Variants in CLIC5 observed in about 807,000 individuals in gnomAD.
CLIC5 encodes the protein chloride intracellular channel protein 5.
Under a neutral mutation model 24.7 loss-of-function variants are expected in CLIC5, and 20 were observed. The observed-to-expected ratio is 0.81, with a 90% CI of 0.57 to 1.18. CLIC5 has a LOEUF of 1.18. Ranked by LOEUF, CLIC5 falls within the 50% of genes most tolerant of loss-of-function variation. CLIC5 has a pLI of 0.00. For synonymous variants in CLIC5, 159 were observed against 135.6 expected (o/e 1.17, Z -1.20); for missense variants, 341 against 326.1 (o/e 1.05, Z -0.35).
the CLIC5 span, among the ~76,000 whole-genome samples, chr6:46,094,168 T>C: frequency 6.6e-6 from 1 of 152,182 alleles, no homozygotes; most frequent in Admixed American, 6.5e-5. Flanking sequence ...CCAATCATCT[T>C]CCACCAGGCC....
rs191496597 is a variant in CLIC5 at position 45,923,955 on chromosome 6, C to T, written c.407-9546G>A. 4.6e-5 allele frequency among the ~76,000 whole-genome samples: 7 copies of T among 152,202 alleles called. No homozygotes were observed. In the East Asian group the frequency reaches 5.8e-4, roughly 13 times the overall value. On this transcript the variant is annotated intron_variant, in intron 4 of 5. Coordinates refer to ENST00000339561, the MANE Select transcript of CLIC5 (RefSeq NM_016929.5). ...AAAGTGGAGATCATAACATGGCATA[C>T]CTTAGAGGGTTGCTGGGAGCAATAA... is the stretch of plus-strand genomic sequence containing the variant.
At chr6:45,986,711 G>C (rs965762991) in intron 1 of CLIC5, among the ~76,000 whole-genome samples, 2 of 152,202 alleles carry the variant, frequency 1.3e-5, no homozygotes, top group East Asian at 3.8e-4. Context: ...AGTCCTGTTT[G>C]GTTTTCAGAG....
the CLIC5 span, among the ~76,000 whole-genome samples, chr6:46,093,769 C>T: frequency 1.3e-5 from 2 of 152,170 alleles, no homozygotes; most frequent in East Asian, 3.8e-4. Context: ...TCTAGCAGTT[C>T]TTCTCCTAGG....
At chr6:45,965,928 G>A (rs1044408442) in intron 1 of CLIC5, among the ~76,000 whole-genome samples, 4 of 152,124 alleles carry the variant, frequency 2.6e-5, no homozygotes, top group African/African-American at 9.7e-5. Flanking sequence ...TCTTGATATT[G>A]AGCTCTGCTA....
rs189740846 is a variant in CLIC5 at position 45,965,706 on chromosome 6, C to T, written c.64-10462G>A. Reference sequence around the variant, plus strand: ...GAAGAAGAGGTCTCCTCACTTAAGCCTCCCTTGGAGAATCCCCATCCTAAT... The same window carrying T: ...GAAGAAGAGGTCTCCTCACTTAAGCTTCCCTTGGAGAATCCCCATCCTAAT... On this transcript the variant is annotated intron_variant, in intron 1 of 5. Transcript: ENST00000339561. Among the ~76,000 whole-genome samples the T allele has an allele frequency of 5.5e-4, 84 of 152,338 alleles. 1 individual carries two copies. The highest frequency in any genetic ancestry group is 6.8e-3 in the Middle Eastern group (2 of 294).
At chr6:45,958,809 A>G (rs6928137) in intron 1 of CLIC5, among the ~76,000 whole-genome samples, 3,152 of 152,164 alleles carry the variant, frequency 0.021, 118 homozygotes, top group African/African-American at 0.072. Context: ...TTCAGCAGCA[A>G]CAAGCACAGG....
rs1435062580 is a variant in CLIC5 at position 45,955,226 on chromosome 6, T to C, written c.82A>G (p.Ser28Gly). 1.9e-6 allele frequency: 3 copies of C among 1,613,680 alleles called. No individual in the cohort carries two copies. The highest frequency in any genetic ancestry group is 2.7e-5 in the African/African-American group (2 of 74,916). ...LFVKAGIDGE[S>G]IGNCPFSQRL... ...TGAGAGAAAGGACAGTTGCCGATGCTTTCTCCATCGATTCCAGCCTGGAAA... is the reference window on the plus strand; with the variant it reads ...TGAGAGAAAGGACAGTTGCCGATGCCTTCTCCATCGATTCCAGCCTGGAAA... Residue 28 changes from serine (S) to glycine (G), a missense_variant, in exon 2 of 6, where the codon AGC becomes GGC. By Grantham distance (56) the Ser-to-Gly change is moderately conservative. Coordinates refer to ENST00000339561, the MANE Select transcript of CLIC5 (RefSeq NM_016929.5).
intron 5 of CLIC5, chr6:45,913,949 A>G: frequency 9.0e-6 from 5 of 553,980 alleles, no homozygotes; most frequent in African/African-American, 1.9e-5. Flanking sequence ...TATTACACAT[A>G]TTAAGCCCCC....
At chr6:46,127,010 G>A in the CLIC5 span, among the ~76,000 whole-genome samples, 1 of 152,186 alleles carries the variant, frequency 6.6e-6, no homozygotes, top group African/African-American at 2.4e-5. Flanking sequence ...TAGTTCATGG[G>A]AGAAAAAGAA....
At chr6:46,022,373 A>T (rs1465189671) in intron 1 of CLIC5, among the ~76,000 whole-genome samples, 1 of 152,186 alleles carries the variant, frequency 6.6e-6, no homozygotes, top group Non-Finnish European at 1.5e-5. Flanking sequence ...TTTCCATGGG[A>T]ATTAAACAAC....
chr6:45,917,250 C>G (rs773960030), intron 4 of CLIC5, among the ~76,000 whole-genome samples: 6 of 152,142 alleles, frequency 3.9e-5, no homozygotes, highest in Non-Finnish European at 8.8e-5. Context: ...GATCCTTCAC[C>G]CTGTTAAGAC....
chr6:45,942,549 C>T (rs971036026), intron 3 of CLIC5, among the ~76,000 whole-genome samples: 54 of 152,158 alleles, frequency 3.5e-4, no homozygotes, highest in African/African-American at 1.3e-3. Context: ...GCCAGGCTAT[C>T]ATTATTTTCA....
At chr6:46,097,818 T>A in the CLIC5 span, among the ~76,000 whole-genome samples, 1 of 150,704 alleles carries the variant, frequency 6.6e-6, no homozygotes, top group Non-Finnish European at 1.5e-5. Flanking sequence ...TTAATTCATA[T>A]TTTTTTTTGC....
intron 1 of CLIC5, among the ~76,000 whole-genome samples, chr6:46,011,415 C>G (rs140503823): frequency 6.6e-6 from 1 of 152,216 alleles, no homozygotes; most frequent in Non-Finnish European, 1.5e-5. Flanking sequence ...CAGGGCTGCA[C>G]GCTGGAGCCA....
At chr6:45,987,423 T>C (rs574962377) in intron 1 of CLIC5, among the ~76,000 whole-genome samples, 13 of 152,328 alleles carry the variant, frequency 8.5e-5, no homozygotes, top group Admixed American at 3.3e-4. Context: ...TATAGACAGA[T>C]GAAATCCAGA....
intron 1 of CLIC5, among the ~76,000 whole-genome samples, chr6:46,041,567 CA>C (rs1296679126): frequency 2.0e-5 from 3 of 152,088 alleles, no homozygotes; most frequent in Non-Finnish European, 4.4e-5. Context: ...CAAAAGAAAA[CA>C]GGGATTTTTT....
intron 1 of CLIC5, among the ~76,000 whole-genome samples, chr6:46,009,599 AC>A (rs1766728498): frequency 6.6e-6 from 1 of 152,190 alleles, no homozygotes; most frequent in African/African-American, 2.4e-5. Context: ...TTTAATAGAT[AC>A]CAGAGAGTGA....
In CLIC5 at chr6:46,058,754, C is replaced by T. The variant is rs76984435; in HGVS notation, c.540+20949G>A. On this transcript the variant is annotated intron_variant, in intron 1 of 5. Transcript: ENST00000185206. ...GGCTTCTTGTACTATAAAGGCTCAA[C>T]GGTGGAAGAAAAAAATCCCAGATTC... Among the ~76,000 whole-genome samples the T allele has an allele frequency of 7.5e-3, 1,147 of 152,006 alleles. 18 individuals are homozygous for T. Among genetic ancestry groups the T allele is most frequent in the African/African-American group, 0.024 (1,011 of 41,450 alleles).
intron 1 of CLIC5, among the ~76,000 whole-genome samples, chr6:46,037,768 C>G (rs914231077): frequency 1.3e-5 from 2 of 152,124 alleles, no homozygotes; most frequent in African/African-American, 4.8e-5. Flanking sequence ...TTCATTCATT[C>G]CTTACCTATC....
Sources: allele counts gnomAD v4.1 joint callset (sites outside exome capture counted in the v4.1 genomes callset), GRCh38; gene constraint gnomAD v4.1.1; transcripts MANE v1.5; gene names NCBI Gene and HGNC (gene_info 2026-07-23, HGNC 2026-07-21).